The following VWA3A variants were observed in gnomAD, a reference collection of about 807,000 sequenced individuals.
VWA3A encodes von Willebrand factor A domain containing 3A.
Under a neutral mutation model 160.4 loss-of-function variants are expected in VWA3A, and 134 were observed. That is an observed-to-expected ratio of 0.84 (90% CI 0.73 to 0.96). The LOEUF (loss-of-function observed/expected upper bound fraction) is 0.96, where lower values mean the gene tolerates loss of function less well. Ranked by LOEUF, VWA3A falls within the 40% of genes least tolerant of loss-of-function variation. The pLI is 0.00. For missense variants in VWA3A, 1,310 were observed against 1,447.9 expected, an observed-to-expected ratio of 0.90 and a Z score of 1.55; for synonymous variants, 476 against 543.4, an observed-to-expected ratio of 0.88 and a Z score of 1.72.
rs1267539189 is a variant in VWA3A at position 22,130,526 on chromosome 16, AG to A, written c.1653-676del. On this transcript the variant is annotated intron_variant, in intron 17 of 33. Transcript: ENST00000389398. ...AGAGGGGACAACTTTTCCTTCATAA[AG>A]GGTATAAATCCTCTTCTCAAAGATC... Among the ~76,000 whole-genome samples the A allele has an allele frequency of 1.3e-5, 2 of 152,194 alleles. 1 individual carries two copies. Among genetic ancestry groups the A allele is most frequent in the East Asian group, 3.8e-4 (2 of 5,196 alleles).
At chr16:22,094,367 A>G (rs939707978) in intron 1 of VWA3A, among the ~76,000 whole-genome samples, 1 of 151,434 alleles carries the variant, frequency 6.6e-6, no homozygotes, top group Non-Finnish European at 1.5e-5. Context: ...GGTGCTTCCC[A>G]GAAAACAAAG....
In VWA3A at chr16:22,121,536, G is replaced by A. The variant is rs760903306; in HGVS notation, c.1275G>A (p.Gln425=). 8.1e-6 allele frequency: 13 copies of A among 1,613,390 alleles called. No homozygotes were observed. Among genetic ancestry groups the A allele is most frequent in the Non-Finnish European group, 1.0e-5 (12 of 1,179,750 alleles). ...GLKAKKLSLY[Q]VLAPNAFSPV... is the part of the protein sequence containing the mutation. The stretch of plus-strand genomic sequence containing the variant: ...CAGCCAAGAAATTAAGTCTATATCA[G>A]GTCCTGGCACCCAATGCATTCTCTC... The change falls in exon 14 of 34, where the codon CAG becomes CAA. Residue 425 remains glutamine (Q), a synonymous_variant. Coordinates refer to ENST00000389398, the MANE Select transcript of VWA3A (RefSeq NM_173615.5).
chr16:22,116,798 G>A lies in VWA3A; in HGVS notation c.855G>A (p.Gln285=). 6.2e-7 allele frequency: 1 copy of A among 1,613,512 alleles called. No individual in the cohort carries two copies. The highest frequency in any genetic ancestry group is 2.2e-5 in the East Asian group (1 of 44,882). The change falls in exon 10 of 34, where the codon CAG becomes CAA. Residue 285 remains glutamine, a synonymous_variant. Transcript: ENST00000389398. ...QPSEILSDYI[Q]QSTMGRDLII... is the part of the protein sequence containing the mutation. ...CTGAAATCCTGTCTGACTACATCCA[G>A]CAGTCCACCATGGGAAGAGACCTCA...
At chr16:22,100,607 G>A in intron 5 of VWA3A, 114 bp downstream of exon 5, 1 of 994,350 alleles carries the variant, frequency 1.0e-6, no homozygotes, top group South Asian at 1.5e-5. Flanking sequence ...GGCCGAGGCA[G>A]GTGGATCACT....
At position 22,127,261 on chromosome 16, in the gene VWA3A, G is replaced by C. The variant is rs958287116; in HGVS notation, c.1652+964G>C. On this transcript the variant is annotated intron_variant, in intron 17 of 33. Transcript: ENST00000389398. Reference sequence around the variant, plus strand: ...TCTGCCTCAGCCTCCCAAGTAGCTGGGTCTACAGGCACACACCACCACACC... The same window carrying C: ...TCTGCCTCAGCCTCCCAAGTAGCTGCGTCTACAGGCACACACCACCACACC... Among the ~76,000 whole-genome samples, 6 of 151,852 alleles carry C rather than the reference G, an allele frequency of 4.0e-5. No individual in the cohort carries two copies. In the East Asian group the frequency reaches 1.2e-3, roughly 29 times the overall value.
intron 19 of VWA3A, among the ~76,000 whole-genome samples, chr16:22,131,996 T>C (rs1270562154): frequency 6.6e-6 from 1 of 152,086 alleles, no homozygotes; most frequent in Non-Finnish European, 1.5e-5. Context: ...CTCAGGAGGC[T>C]GGGGTGGGAG....
At chr16:22,105,837 T>C (rs2045475109) in intron 6 of VWA3A, among the ~76,000 whole-genome samples, 1 of 152,254 alleles carries the variant, frequency 6.6e-6, no homozygotes, top group South Asian at 2.1e-4. Context: ...GATTTCAACT[T>C]CTTGCCTCCA....
At chr16:22,098,099 C>A (rs1244900241) in intron 3 of VWA3A, among the ~76,000 whole-genome samples, 1 of 152,144 alleles carries the variant, frequency 6.6e-6, no homozygotes, top group Non-Finnish European at 1.5e-5. Flanking sequence ...AACCTCTGAC[C>A]AGACTACGAT....
In VWA3A at chr16:22,127,849, T is replaced by C. The variant is rs1165962226; in HGVS notation, c.1652+1552T>C. On this transcript the variant is annotated intron_variant, in intron 17 of 33. Coordinates refer to ENST00000389398, the MANE Select transcript of VWA3A (RefSeq NM_173615.5). ...TGCTGTTAAGCGTTTTCTATAGAAA[T>C]GAGTAGATAGCTAGGTATGGGACTG... Among the ~76,000 whole-genome samples the C allele has an allele frequency of 2.0e-5, 3 of 152,082 alleles. No individual in the cohort carries two copies. The East Asian group carries it at 5.8e-4, about 29-fold the overall frequency.
At chr16:22,096,573 C>T (rs1300085082) in intron 1 of VWA3A, among the ~76,000 whole-genome samples, 2 of 152,008 alleles carry the variant, frequency 1.3e-5, no homozygotes, top group Non-Finnish European at 2.9e-5. Flanking sequence ...AGTGAGACCC[C>T]GTCTCTACAG....
chr16:22,129,172 G>A (rs2045903119), intron 17 of VWA3A, among the ~76,000 whole-genome samples: 1 of 151,712 alleles, frequency 6.6e-6, no homozygotes, highest in Non-Finnish European at 1.5e-5. Flanking sequence ...GGCGGATCAC[G>A]AGGTCAGGAG....
chr16:22,146,143 T>C, intron 26 of VWA3A, 93 bp from the exon 27 acceptor site: 2 of 1,055,864 alleles, frequency 1.9e-6, no homozygotes, highest in Non-Finnish European at 1.4e-6. Context: ...TGAGAATTGT[T>C]AACCACAATG....
At chr16:22,093,481 G>T in intron 1 of VWA3A, among the ~76,000 whole-genome samples, 1 of 152,140 alleles carries the variant, frequency 6.6e-6, no homozygotes, top group East Asian at 1.9e-4. Flanking sequence ...GCTGCGTCCT[G>T]TTCATGTCTA....
chr16:22,123,350 C>CT, intron 15 of VWA3A, 185 bp downstream of exon 15: 5 of 1,266,364 alleles, frequency 3.9e-6, no homozygotes, highest in Admixed American at 2.3e-5. Context: ...ACCTCAATGC[C>CT]TTTAAAAAAA....
In VWA3A at chr16:22,155,778, G is replaced by T. The variant is rs913689053; in HGVS notation, c.3504-73G>T. On this transcript the variant is annotated intron_variant, in intron 32 of 33. Coordinates refer to ENST00000389398, the MANE Select transcript of VWA3A (RefSeq NM_173615.5). Reference sequence around the variant, plus strand: ...TGGTACCCTTGCTCCAAGGGTTCCTGCCCTGCTTCTCCCAGCCAGCCCAGA... The same window carrying T: ...TGGTACCCTTGCTCCAAGGGTTCCTTCCCTGCTTCTCCCAGCCAGCCCAGA... The T allele has an allele frequency of 2.5e-6, 4 of 1,609,492 alleles. No homozygotes were observed. In the African/African-American group the frequency reaches 4.0e-5, roughly 16 times the overall value.
At chr16:22,137,123 C>A (rs1021218679) in intron 21 of VWA3A, among the ~76,000 whole-genome samples, 1 of 151,522 alleles carries the variant, frequency 6.6e-6, no homozygotes, top group African/African-American at 2.4e-5. Context: ...AAATAAATAT[C>A]CCTTACCCTC....
chr16:22,109,441 G>A, intron 6 of VWA3A, 41 bp from the exon 7 acceptor site: 2 of 1,514,520 alleles, frequency 1.3e-6, no homozygotes, highest in Non-Finnish European at 1.8e-6. Context: ...GAGACACACA[G>A]ACTTGCACTG....
chr16:22,119,155 G>A, intron 12 of VWA3A, 128 bp downstream of exon 12: 3 of 999,294 alleles, frequency 3.0e-6, no homozygotes, highest in East Asian at 7.4e-5. Flanking sequence ...TCGAAACAAG[G>A]CAAGGCCCAC....
At chr16:22,121,740 TAG>T (rs2045738602) in intron 14 of VWA3A, 123 bp downstream of exon 14, 1 of 731,870 alleles carries the variant, frequency 1.4e-6, no homozygotes, top group South Asian at 1.7e-5. Flanking sequence ...CCCAGGACCC[TAG>T]AATGCACATC....
Sources: allele counts gnomAD v4.1 joint callset (sites outside exome capture counted in the v4.1 genomes callset), GRCh38; gene constraint gnomAD v4.1.1; transcripts MANE v1.5; gene names NCBI Gene and HGNC (gene_info 2026-07-23, HGNC 2026-07-21).